The following ALDH1A2 variants were observed in gnomAD, a reference collection of about 807,000 sequenced individuals.
The protein encoded by ALDH1A2 is aldehyde dehydrogenase 1 family member A2.
ALDH1A2 carries 27 observed loss-of-function variants against 60.3 expected under a neutral mutation model. The ratio of observed to expected loss-of-function variants is 0.45; its 90% CI spans 0.33 to 0.62. ALDH1A2 has a LOEUF of 0.62. Among genes scored for constraint, ALDH1A2 ranks in the 20% least tolerant of loss-of-function variants. ALDH1A2 has a pLI of 0.02. For synonymous variants in ALDH1A2, 289 were observed against 232.4 expected, an observed-to-expected ratio of 1.24 and a Z score of -2.21; for missense variants, 581 against 643.8, an observed-to-expected ratio of 0.90 and a Z score of 1.06.
intron 7 of ALDH1A2, among the ~76,000 whole-genome samples, chr15:57,973,325 A>G (rs1444904720): frequency 2.6e-5 from 4 of 152,208 alleles, no homozygotes; most frequent in African/African-American, 4.8e-5. Context: ...TAATCTGAGT[A>G]AAGTTGTTGG....
At chr15:58,030,064 A>C (rs1460221274) in intron 1 of ALDH1A2, among the ~76,000 whole-genome samples, 4 of 152,206 alleles carry the variant, frequency 2.6e-5, no homozygotes, top group African/African-American at 9.7e-5. Context: ...CCTGATACCA[A>C]AGTCTGGCAG....
intron 4 of ALDH1A2, among the ~76,000 whole-genome samples, chr15:58,001,106 A>G (rs1321595780): frequency 6.6e-6 from 1 of 150,974 alleles, no homozygotes; most frequent in Non-Finnish European, 1.5e-5. Context: ...TCACATCCTT[A>G]TCTCATTTTA....
At chr15:57,955,385 G>A (rs1206688835) in intron 12 of ALDH1A2, 116 bp from the exon 13 acceptor site, 2 of 1,083,192 alleles carry the variant, frequency 1.8e-6, no homozygotes, top group South Asian at 1.3e-5. Flanking sequence ...GTCCTGGGAT[G>A]TTCATGTAAA....
intron 4 of ALDH1A2, among the ~76,000 whole-genome samples, chr15:57,997,478 GA>G (rs1483044928): frequency 4.6e-5 from 7 of 151,738 alleles, no homozygotes; most frequent in African/African-American, 1.7e-4. Context: ...TGGGGCTGAG[GA>G]AAAAAATTGG....
At chr15:58,049,359 A>G (rs1256948177) in intron 1 of ALDH1A2, among the ~76,000 whole-genome samples, 2 of 152,058 alleles carry the variant, frequency 1.3e-5, no homozygotes, top group Non-Finnish European at 2.9e-5. Flanking sequence ...CAATTTTCTC[A>G]TTTGTACAAT....
chr15:57,955,837 C>T (rs1893505259), intron 12 of ALDH1A2, among the ~76,000 whole-genome samples: 1 of 152,214 alleles, frequency 6.6e-6, no homozygotes, highest in South Asian at 2.1e-4. Context: ...TTCTCCTCCA[C>T]ATCTCTTCTC....
At position 57,992,934 on chromosome 15, in the gene ALDH1A2, G is replaced by A. The variant is rs776426483; in HGVS notation, c.684+11C>T. The A allele has an allele frequency of 4.8e-5, 77 of 1,613,918 alleles. No homozygotes were observed. In the South Asian group the frequency reaches 6.9e-4, roughly 14 times the overall value. ...GGAGTCAGAAGCACTCCCGAAGTCC[G>A]TTTCTCTTACCTCCTTGATGAGGGC... On this transcript the variant is annotated intron_variant, in intron 6 of 12. Coordinates refer to ENST00000249750, the MANE Select transcript of ALDH1A2 (RefSeq NM_003888.4).
Position 57,955,090 on chromosome 15 carries a change from T to C in ALDH1A2, c.*107A>G, listed in dbSNP as rs1158930679. On this transcript the variant is annotated 3_prime_UTR_variant, in exon 13 of 13. Transcript: ENST00000249750. Reference sequence around the variant, plus strand: ...GCCTACATGTTATCTTTTCAATCTTTAAGTAAGGACCGTGGCTCAACTTTG... The same window carrying C: ...GCCTACATGTTATCTTTTCAATCTTCAAGTAAGGACCGTGGCTCAACTTTG... The C allele has an allele frequency of 4.1e-6, 5 of 1,214,784 alleles. No homozygotes were observed. In the East Asian group the frequency reaches 1.2e-4, roughly 28 times the overall value. 75.3% of individuals were successfully genotyped at this position (1,214,784 alleles called of 1,614,324 possible).
intron 1 of ALDH1A2, among the ~76,000 whole-genome samples, chr15:58,016,161 G>T (rs991217536): frequency 4.7e-5 from 6 of 127,824 alleles, no homozygotes; most frequent in African/African-American, 1.5e-4. Flanking sequence ...TTTTTTTTAA[G>T]ACAGAGCCTT....
intron 1 of ALDH1A2, among the ~76,000 whole-genome samples, chr15:58,030,172 A>C (rs946049203): frequency 6.6e-6 from 1 of 152,214 alleles, no homozygotes; most frequent in Non-Finnish European, 1.5e-5. Flanking sequence ...CCAGCAGCAC[A>C]TCAAAAAGCT....
intron 12 of ALDH1A2, among the ~76,000 whole-genome samples, chr15:57,957,180 C>T (rs1223638990): frequency 1.3e-5 from 2 of 152,136 alleles, no homozygotes; most frequent in Non-Finnish European, 2.9e-5. Flanking sequence ...ACAGGAGTGC[C>T]CACTCAGCTC....
intron 1 of ALDH1A2, among the ~76,000 whole-genome samples, chr15:58,029,345 A>G (rs1293865757): frequency 1.3e-5 from 2 of 152,324 alleles, no homozygotes; most frequent in Admixed American, 6.5e-5. Flanking sequence ...TTTGAAACCA[A>G]TGAGAACAAA....
chr15:57,989,824 C>T (rs1439897065), intron 7 of ALDH1A2, among the ~76,000 whole-genome samples: 3 of 151,906 alleles, frequency 2.0e-5, no homozygotes, highest in Admixed American at 6.6e-5. Flanking sequence ...TAAATTCCAA[C>T]CAGATTAAAG....
intron 1 of ALDH1A2, among the ~76,000 whole-genome samples, chr15:58,021,282 A>G (rs1428088657): frequency 6.6e-6 from 1 of 152,244 alleles, no homozygotes; most frequent in Non-Finnish European, 1.5e-5. Flanking sequence ...TAGAAAAACC[A>G]GAACAGTATA....
intron 1 of ALDH1A2, among the ~76,000 whole-genome samples, chr15:58,041,023 G>T (rs1896507777): frequency 6.6e-6 from 1 of 151,868 alleles, no homozygotes; most frequent in African/African-American, 2.4e-5. Flanking sequence ...TGTGAAACAG[G>T]GTGGTGCCCT....
At chr15:58,010,606 T>TG (rs779682840) in intron 4 of ALDH1A2, 43 bp downstream of exon 4, 2 of 1,609,008 alleles carry the variant, frequency 1.2e-6, no homozygotes, top group South Asian at 2.2e-5. Flanking sequence ...GCATTTCTGG[T>TG]GGTTTCACGT....
intron 7 of ALDH1A2, among the ~76,000 whole-genome samples, chr15:57,967,208 T>C (rs1893926770): frequency 6.6e-6 from 1 of 151,248 alleles, no homozygotes; most frequent in Non-Finnish European, 1.5e-5. Flanking sequence ...TGTCACTTCG[T>C]AACTGTTTGA....
At chr15:58,046,418 T>C (rs1032113587) in intron 1 of ALDH1A2, among the ~76,000 whole-genome samples, 1 of 152,080 alleles carries the variant, frequency 6.6e-6, no homozygotes, top group African/African-American at 2.4e-5. Context: ...CATATCTATG[T>C]ATGTAAAACA....
intron 12 of ALDH1A2, among the ~76,000 whole-genome samples, chr15:57,960,321 G>A (rs752018683): frequency 1.1e-4 from 16 of 152,280 alleles, no homozygotes; most frequent in South Asian, 2.1e-4. Context: ...CTGAGGGAAC[G>A]GGCATGAAAC....
Sources: gnomAD v4.1 joint callset for allele counts (sites outside exome capture counted in the v4.1 genomes callset) on GRCh38, gnomAD v4.1.1 for gene constraint, MANE v1.5 for transcripts, NCBI Gene and HGNC (gene_info 2026-07-23, HGNC 2026-07-21) for gene names.